LONRF1: variants seen among roughly 807,000 people sequenced by gnomAD.
LONRF1 encodes LON peptidase N-terminal domain and ring finger 1.
A neutral mutation model predicts 85.8 loss-of-function variants in LONRF1; 37 were observed. The ratio of observed to expected loss-of-function variants is 0.43; its 90% confidence interval spans 0.33 to 0.57. The LOEUF is 0.57. Ranked by LOEUF, LONRF1 falls within the 20% of genes least tolerant of loss-of-function variation. The probability of loss-of-function intolerance (pLI) is 0.04; values close to 1 mark genes in which losing one functional copy is unlikely to be tolerated. For synonymous variants in LONRF1, 517 were observed against 390.1 expected, an observed-to-expected ratio of 1.33 and a Z score of -3.83; for missense variants, 1,036 against 978.0, an observed-to-expected ratio of 1.06 and a Z score of -0.79.
In LONRF1 at chr8:12,723,095, GTTAC is replaced by G. The variant is rs754497154; in HGVS notation, c.2319_2322del (p.Lys773AsnfsTer2). On this transcript the variant is annotated frameshift_variant and stop_lost, in exon 12 of 12. Coordinates refer to ENST00000398246, the MANE Select transcript of LONRF1 (RefSeq NM_152271.5). LOFTEE classifies it high-confidence loss of function. The stretch of plus-strand genomic sequence containing the variant: ...CTTTAAAGGGAGATCCAAAGAGTTA[GTTAC>G]TTAGATTGGTCTCTAGAAAAATAGG... 4 of 1,608,250 alleles carry G rather than the reference GTTAC, an allele frequency of 2.5e-6. No homozygotes were observed. The South Asian group carries it at 4.4e-5, about 18-fold the overall frequency.
At position 12,754,826 on chromosome 8, in the gene LONRF1, G is replaced by A. The variant is rs1457113424; in HGVS notation, c.595C>T (p.His199Tyr). The change falls in exon 1 of 12, where the codon CAC becomes TAC. Residue 199 changes from histidine to tyrosine, a missense_variant. Physicochemically the swap from His to Tyr is moderately conservative, Grantham distance 83. Coordinates refer to ENST00000398246, the MANE Select transcript of LONRF1 (RefSeq NM_152271.5). ...SDFRTSVVLN[H>Y]LAEKWFPGQR... ...CCCGGAAACCACTTCTCGGCCAGGT[G>A]GTTGAGGACGACGCTGGTTCTGAAG... is the stretch of plus-strand genomic sequence containing the variant. The A allele has an allele frequency of 1.3e-6, 2 of 1,494,240 alleles. No individual in the cohort carries two copies. The highest frequency in any genetic ancestry group is 2.8e-5 in the East Asian group (1 of 35,138). 92.6% of individuals were successfully genotyped at this position (1,494,240 alleles called of 1,614,324 possible). A position where few individuals can be genotyped will look rare whatever the true frequency, so the allele number is the denominator to read the frequency against.
chr8:12,741,207 A>C (rs1384260443), intron 2 of LONRF1, among the ~76,000 whole-genome samples: 1 of 152,116 alleles, frequency 6.6e-6, no homozygotes, highest in Admixed American at 6.5e-5. Flanking sequence ...AACATGGTGA[A>C]ACCCTGCCTC....
chr8:12,755,158 G>C lies in LONRF1; in HGVS notation c.263C>G (p.Ala88Gly), dbSNP rs1317170825. The stretch of plus-strand genomic sequence containing the variant: ...GTTGAACACCAGGCAGTCCACCAGG[G>C]CGCCCAGGCACTCGGGCCTGGCCGG... ...GAPARPECLG[A>G]LVDCLVFNYR... Residue 88 changes from alanine to glycine, a missense_variant, in exon 1 of 12, where the codon GCC (alanine) becomes GGC (glycine). By Grantham distance (60) the Ala-to-Gly change is moderately conservative. Coordinates refer to ENST00000398246, the MANE Select transcript of LONRF1 (RefSeq NM_152271.5). 1 of 1,421,338 alleles carries C rather than the reference G, an allele frequency of 7.0e-7. No homozygotes were observed. Among genetic ancestry groups the C allele is most frequent in the Non-Finnish European group, 9.2e-7 (1 of 1,089,576 alleles). 88.0% of individuals were successfully genotyped at this position (1,421,338 alleles called of 1,614,324 possible). A position where few individuals can be genotyped will look rare whatever the true frequency, so the allele number is the denominator to read the frequency against.
intron 3 of LONRF1, among the ~76,000 whole-genome samples, chr8:12,739,002 A>G (rs553850903): frequency 1.2e-4 from 19 of 152,290 alleles, no homozygotes; most frequent in Admixed American, 3.9e-4. Flanking sequence ...TATCTTTGGT[A>G]GGTGCTCAAA....
intron 1 of LONRF1, among the ~76,000 whole-genome samples, chr8:12,745,210 CT>C (rs1799098482): frequency 6.6e-6 from 1 of 151,774 alleles, no homozygotes; most frequent in Non-Finnish European, 1.5e-5. Flanking sequence ...GATGCACGCC[CT>C]AAGTAGAGAT....
Position 12,736,749 on chromosome 8 carries a change from G to A in LONRF1, c.1403C>T (p.Pro468Leu). The A allele has an allele frequency of 6.2e-7, 1 of 1,611,966 alleles. No individual in the cohort carries two copies. Among genetic ancestry groups the A allele is most frequent in the East Asian group, 2.2e-5 (1 of 44,756 alleles). The change falls in exon 6 of 12, where the codon CCA becomes CTA. Residue 468 changes from proline to leucine, a missense_variant. Pro to Leu is a moderately conservative substitution (Grantham distance 98). Around this residue, in one of 3 missense-constraint regions of LONRF1, gnomAD observed 742 missense variants for 614.4 expected, o/e 1.21. Coordinates refer to ENST00000398246, the MANE Select transcript of LONRF1 (RefSeq NM_152271.5). ...CMFSLAYGDI[P>L]EELIDVSDFE... ...ATCTGAGACATCGATTAATTCTTCT[G>A]GAATATCACCATAAGCTAAGGAAAA...
At position 12,736,691 on chromosome 8, in the gene LONRF1, A is replaced by G; in HGVS notation, c.1451+10T>C. 1 of 1,568,530 alleles carries G rather than the reference A, an allele frequency of 6.4e-7. No individual in the cohort carries two copies. Among genetic ancestry groups the G allele is most frequent in the East Asian group, 2.2e-5 (1 of 44,448 alleles). On this transcript the variant is annotated intron_variant, in intron 6 of 11. Transcript: ENST00000398246. ...AAATATTCATCTTCTATAAAGTTTTATATGCTTACCTCATGCAGAGAGAAC... is the reference window on the plus strand; with the variant it reads ...AAATATTCATCTTCTATAAAGTTTTGTATGCTTACCTCATGCAGAGAGAAC...
chr8:12,729,275 G>A lies in LONRF1; in HGVS notation c.1746C>T (p.Cys582=), dbSNP rs1798438571. Residue 582 remains cysteine, a synonymous_variant, in exon 9 of 12, where the codon TGC becomes TGT. Transcript: ENST00000398246. ...ATCTTGGCTCAAATACATGGAGAGG[G>A]CAAGGCACAGTGGGGTAGGCCATAG... ...VCTMAYPTVP[C]PLHVFEPRYR... 2 of 1,613,830 alleles carry A rather than the reference G, an allele frequency of 1.2e-6. No individual in the cohort carries two copies. The highest frequency in any genetic ancestry group is 2.7e-5 in the African/African-American group (2 of 74,908).
At position 12,722,933 on chromosome 8, in the gene LONRF1, T is replaced by C; in HGVS notation, c.*163A>G. On this transcript the variant is annotated 3_prime_UTR_variant, in exon 12 of 12. Coordinates refer to ENST00000398246, the MANE Select transcript of LONRF1 (RefSeq NM_152271.5). ...AGTTCTTAGTGGTCTAAATCCTAGT[T>C]GAAGGTATTCATTTGCAGAACCACA... 1.6e-6 allele frequency: 1 copy of C among 618,428 alleles called. No individual in the cohort carries two copies. The highest frequency in any genetic ancestry group is 2.8e-5 in the East Asian group (1 of 35,644). The allele number at this position is 618,428 out of a possible 1,614,324, so 38.3% of individuals were successfully genotyped here. A position where few individuals can be genotyped will look rare whatever the true frequency, so the allele number is the denominator to read the frequency against.
At chr8:12,737,632 G>C (rs1798771472) in intron 4 of LONRF1, among the ~76,000 whole-genome samples, 1 of 152,068 alleles carries the variant, frequency 6.6e-6, no homozygotes. Flanking sequence ...ACAGATACAA[G>C]GGATGACTGT....
chr8:12,741,581 A>G (rs1404985135), intron 2 of LONRF1, among the ~76,000 whole-genome samples: 1 of 152,182 alleles, frequency 6.6e-6, no homozygotes, highest in Non-Finnish European at 1.5e-5. Context: ...CAATTTAAGG[A>G]AATTACTGAT....
At chr8:12,739,680 T>G (rs767167756) in intron 3 of LONRF1, among the ~76,000 whole-genome samples, 7 of 152,200 alleles carry the variant, frequency 4.6e-5, no homozygotes, top group Non-Finnish European at 8.8e-5. Context: ...TAAAGCATTA[T>G]TTGTTTTGCA....
At chr8:12,744,734 G>A (rs1387579130) in intron 1 of LONRF1, among the ~76,000 whole-genome samples, 1 of 152,140 alleles carries the variant, frequency 6.6e-6, no homozygotes, top group Non-Finnish European at 1.5e-5. Flanking sequence ...AAAAACTCCA[G>A]GCTATAAAAG....
Position 12,725,869 on chromosome 8 carries a change from T to A in LONRF1, c.2021A>T (p.Glu674Val). 2.5e-6 allele frequency: 4 copies of A among 1,609,606 alleles called. No individual in the cohort carries two copies. The highest frequency in any genetic ancestry group is 3.4e-6 in the Non-Finnish European group (4 of 1,177,350). Residue 674 changes from glutamate to valine, a missense_variant, in exon 11 of 12, where the codon GAA becomes GTA. Coordinates refer to ENST00000398246, the MANE Select transcript of LONRF1 (RefSeq NM_152271.5). The part of the protein sequence containing the change: ...EYLEDVKVEN[E>V]DEIKNLRELH... ...CTCTCTGAGATTCTTAATCTCATCT[T>A]CATTCTCAACCTAGAAATACAATAG...
At chr8:12,737,631 A>G (rs1798771403) in intron 4 of LONRF1, among the ~76,000 whole-genome samples, 1 of 152,122 alleles carries the variant, frequency 6.6e-6, no homozygotes, top group African/African-American at 2.4e-5. Context: ...CACAGATACA[A>G]GGGATGACTG....
At chr8:12,745,923 T>G (rs1300942665) in intron 1 of LONRF1, among the ~76,000 whole-genome samples, 1 of 152,188 alleles carries the variant, frequency 6.6e-6, no homozygotes, top group Admixed American at 6.5e-5. Flanking sequence ...TCCCTGATCT[T>G]TATCTTTAGT....
In LONRF1 at chr8:12,731,786, T is replaced by C. The variant is rs1293390533; in HGVS notation, c.1638A>G (p.Glu546=). Reference sequence around the variant, plus strand: ...CATATATTTTTTTTCTCTCAGACAGTTCATCAGGCAGATACTTCACTATTA... The same window carrying C: ...CATATATTTTTTTTCTCTCAGACAGCTCATCAGGCAGATACTTCACTATTA... ...EELIVKYLPD[E]LSERKKIYDE... is the part of the protein sequence containing the mutation. The change falls in exon 8 of 12, where the codon GAA becomes GAG. Residue 546 remains glutamate (E), a synonymous_variant. Transcript: ENST00000398246. The C allele has an allele frequency of 5.0e-6, 8 of 1,613,102 alleles. No homozygotes were observed. The highest frequency in any genetic ancestry group is 5.9e-6 in the Non-Finnish European group (7 of 1,179,252).
intron 10 of LONRF1, 163 bp from the exon 11 acceptor site, chr8:12,726,042 G>T: frequency 1.7e-6 from 1 of 605,430 alleles, no homozygotes; most frequent in Non-Finnish European, 2.8e-6. Flanking sequence ...ACACATTTCT[G>T]TCTCATATAG....
chr8:12,752,642 C>T (rs1221300391), intron 1 of LONRF1, among the ~76,000 whole-genome samples: 2 of 152,130 alleles, frequency 1.3e-5, no homozygotes, highest in Admixed American at 1.3e-4. Context: ...TCTTTCAGAG[C>T]CTTTTCCTGT....
Sources: allele counts gnomAD v4.1 joint callset (sites outside exome capture counted in the v4.1 genomes callset), GRCh38; gene constraint gnomAD v4.1.1; regional missense constraint gnomAD v4.1.1; transcripts MANE v1.5; gene names NCBI Gene and HGNC (gene_info 2026-07-23, HGNC 2026-07-21).